MYO16: variants seen among roughly 807,000 people sequenced by gnomAD.
MYO16 encodes the protein myosin XVI, also known as unconventional myosin-XVI.
A neutral mutation model predicts 205.3 loss-of-function variants in MYO16; 94 were observed. That is an observed-to-expected ratio of 0.46 (90% confidence interval 0.39 to 0.54). MYO16 has a LOEUF of 0.54. MYO16 is among the 20% of genes least tolerant of loss of function. The pLI is 0.00. For synonymous variants in MYO16, 988 were observed against 954.0 expected, an observed-to-expected ratio of 1.04 and a Z score of -0.66; for missense variants, 2,315 against 2,387.5, an observed-to-expected ratio of 0.97 and a Z score of 0.63.
chr13:109,199,886 G>A (rs1381961140), intron 34 of MYO16, among the ~76,000 whole-genome samples: 1 of 152,144 alleles, frequency 6.6e-6, no homozygotes, highest in African/African-American at 2.4e-5. Flanking sequence ...GATAAACACT[G>A]ATTTACATGA....
intron 22 of MYO16, among the ~76,000 whole-genome samples, chr13:109,016,739 T>G (rs1254843878): frequency 6.6e-6 from 1 of 152,218 alleles, no homozygotes; most frequent in Non-Finnish European, 1.5e-5. Flanking sequence ...CTTTTCATCT[T>G]TGTTGGTTTA....
chr13:108,575,277 T>C, the MYO16 span, among the ~76,000 whole-genome samples: 1 of 152,206 alleles, frequency 6.6e-6, no homozygotes, highest in African/African-American at 2.4e-5. Flanking sequence ...AGAATGAGAT[T>C]CAAGATGACC....
At chr13:109,180,246 G>A (rs191760472) in intron 34 of MYO16, among the ~76,000 whole-genome samples, 4 of 151,844 alleles carry the variant, frequency 2.6e-5, no homozygotes, top group Admixed American at 2.0e-4. Context: ...ATCACTTCAA[G>A]AAGAAGAAAA....
the MYO16 span, among the ~76,000 whole-genome samples, chr13:108,588,049 T>C: frequency 6.6e-6 from 1 of 151,632 alleles, no homozygotes; most frequent in Non-Finnish European, 1.5e-5. Context: ...TTTTTATTAA[T>C]GGTATTTTAT....
chr13:108,896,406 A>C (rs1023178712), intron 14 of MYO16, among the ~76,000 whole-genome samples: 3 of 152,146 alleles, frequency 2.0e-5, no homozygotes, highest in African/African-American at 7.2e-5. Flanking sequence ...TGCTATCATC[A>C]CTGCTATCAA....
intron 15 of MYO16, among the ~76,000 whole-genome samples, chr13:108,905,370 T>G (rs1880917420): frequency 1.3e-5 from 2 of 152,218 alleles, no homozygotes; most frequent in South Asian, 4.1e-4. Context: ...TTAATCGGGC[T>G]GCCTCTGCAA....
intron 1 of MYO16, among the ~76,000 whole-genome samples, chr13:108,658,404 CCTT>C (rs1045467719): frequency 3.5e-5 from 5 of 142,512 alleles, no homozygotes; most frequent in African/African-American, 1.3e-4. Context: ...TTATTTTCTT[CCTT>C]CTTTTTTTTG....
chr13:109,109,115 C>G (rs532595785), intron 28 of MYO16, among the ~76,000 whole-genome samples: 1 of 152,284 alleles, frequency 6.6e-6, no homozygotes, highest in Non-Finnish European at 1.5e-5. Flanking sequence ...AGGCCCCTAA[C>G]AACTACTGAA....
intron 4 of MYO16, among the ~76,000 whole-genome samples, chr13:108,733,433 G>C (rs554255716): frequency 6.6e-6 from 1 of 152,250 alleles, no homozygotes. Context: ...ACATGCTGAA[G>C]TCCAGATAGT....
intron 4 of MYO16, among the ~76,000 whole-genome samples, chr13:108,746,142 G>A (rs9652143): frequency 0.03 from 4,552 of 152,172 alleles, 221 homozygotes; most frequent in African/African-American, 0.1. Context: ...GCAGTGAGCC[G>A]AGATTGTGCC....
intron 32 of MYO16, among the ~76,000 whole-genome samples, chr13:109,142,100 C>T (rs914257593): frequency 6.6e-6 from 1 of 152,158 alleles, no homozygotes; most frequent in African/African-American, 2.4e-5. Flanking sequence ...ATGTACCTGG[C>T]AAAATAAGAT....
chr13:108,676,719 G>A (rs1232858595), intron 2 of MYO16, among the ~76,000 whole-genome samples: 1 of 152,186 alleles, frequency 6.6e-6, no homozygotes, highest in Admixed American at 6.5e-5. Context: ...ACAAACCTCA[G>A]CAGCCCCAGA....
rs779540465 is a variant in MYO16 at position 108,724,689 on chromosome 13, A to G, written c.364-2751A>G. ...GGTTGCTTTAGTATTTTTAGGATACATATTTGACATAACCCTCCCTTGTTT... is the reference window on the plus strand; with the variant it reads ...GGTTGCTTTAGTATTTTTAGGATACGTATTTGACATAACCCTCCCTTGTTT... On this transcript the variant is annotated intron_variant, in intron 3 of 34. Transcript: ENST00000457511. 2.8e-4 allele frequency among the ~76,000 whole-genome samples: 42 copies of G among 152,230 alleles called. No homozygotes were observed. The Middle Eastern group carries it at 0.01, about 37-fold the overall frequency.
At chr13:108,848,588 G>A (rs528671220) in intron 10 of MYO16, among the ~76,000 whole-genome samples, 2 of 152,110 alleles carry the variant, frequency 1.3e-5, no homozygotes, top group African/African-American at 4.8e-5. Flanking sequence ...ATTGCTTGAG[G>A]CCAGCAGTTC....
rs1398847165 is a variant in MYO16, at chr13:109,140,355, C to T, written c.4143C>T (p.Leu1381=). 1.2e-6 allele frequency: 2 copies of T among 1,603,338 alleles called. No individual in the cohort carries two copies. Among genetic ancestry groups the T allele is most frequent in the South Asian group, 1.1e-5 (1 of 91,074 alleles). The change falls in exon 32 of 35, where the codon CTC becomes CTT. Residue 1381 remains leucine (L), a synonymous_variant. Transcript: ENST00000457511. The surrounding 1 kb of genome is among the most constrained non-coding windows in gnomAD (Gnocchi z 8.0). ...CCAAGCGCAGCCCCAACACCAAGCTCAGCGGCTCCTACGAGGAGATATCGG... is the reference window on the plus strand; with the variant it reads ...CCAAGCGCAGCCCCAACACCAAGCTTAGCGGCTCCTACGAGGAGATATCGG... ...RKPKRSPNTK[L]SGSYEEISGS... is the part of the protein sequence containing the mutation.
intron 4 of MYO16, among the ~76,000 whole-genome samples, chr13:108,730,602 A>T (rs1204154532): frequency 1.3e-5 from 2 of 152,204 alleles, no homozygotes; most frequent in African/African-American, 4.8e-5. Flanking sequence ...CTGGCAAGTT[A>T]TTCAGACCTT....
chr13:108,825,531 C>T (rs920129489), intron 9 of MYO16, among the ~76,000 whole-genome samples: 5 of 151,788 alleles, frequency 3.3e-5, no homozygotes, highest in African/African-American at 7.3e-5. Context: ...CTGTCACCAG[C>T]TCAGTTCAAC....
At chr13:108,910,378 G>GA (rs5806767) in intron 16 of MYO16, among the ~76,000 whole-genome samples, 151,081 of 152,276 alleles carry the variant, frequency 0.99, 74,959 homozygotes, top group Middle Eastern at 1. Flanking sequence ...TTTCAGATCA[G>GA]AAAAAACTTG....
At chr13:108,751,244 G>C (rs1165580965) in intron 4 of MYO16, among the ~76,000 whole-genome samples, 1 of 151,978 alleles carries the variant, frequency 6.6e-6, no homozygotes, top group Non-Finnish European at 1.5e-5. Flanking sequence ...ACTGAATCTA[G>C]GTCTTGCATG....
Sources: allele counts gnomAD v4.1 joint callset (sites outside exome capture counted in the v4.1 genomes callset), GRCh38; gene constraint gnomAD v4.1.1; non-coding constraint Gnocchi (gnomAD v3.1); transcripts MANE v1.5; gene names NCBI Gene and HGNC (gene_info 2026-07-23, HGNC 2026-07-21).